The following TRABD2B variants were observed in gnomAD, a reference collection of about 807,000 sequenced individuals.
TRABD2B encodes metalloprotease TIKI2.
TRABD2B carries 14 observed loss-of-function variants against 40.1 expected under a neutral mutation model. The ratio of observed to expected loss-of-function variants is 0.35; its 90% confidence interval spans 0.23 to 0.55. The LOEUF is 0.55. TRABD2B is among the 20% of genes least tolerant of loss of function. TRABD2B has a pLI of 0.90. For synonymous variants in TRABD2B, 263 were observed against 277.0 expected (o/e 0.95, Z 0.50); for missense variants, 541 against 648.6 (o/e 0.83, Z 1.80).
intron 2 of TRABD2B, among the ~76,000 whole-genome samples, chr1:47,859,140 C>T (rs1643929634): frequency 6.6e-6 from 1 of 152,196 alleles, no homozygotes; most frequent in South Asian, 2.1e-4. Flanking sequence ...AAAGCTGCCC[C>T]TCTTGAGGCT....
intron 3 of TRABD2B, among the ~76,000 whole-genome samples, chr1:47,798,627 A>T (rs1360252737): frequency 6.6e-6 from 1 of 152,114 alleles, no homozygotes; most frequent in Non-Finnish European, 1.5e-5. Flanking sequence ...CTCATCCTCC[A>T]CATTATAGCC....
rs146324175 is a variant in TRABD2B at position 47,837,627 on chromosome 1, C to T, written c.667-36008G>A. ...CCTTGACCATCAGGCCTCTGCAGGG[C>T]GGAGAGAGAGACGAACCGGGCTTCT... is the stretch of plus-strand genomic sequence containing the variant. On this transcript the variant is annotated intron_variant, in intron 2 of 6. Coordinates refer to ENST00000606738, the MANE Select transcript of TRABD2B (RefSeq NM_001194986.2). Among the ~76,000 whole-genome samples the T allele has an allele frequency of 1.0e-3, 157 of 152,248 alleles. 1 individual carries two copies. Among genetic ancestry groups the T allele is most frequent in the African/African-American group, 3.5e-3 (144 of 41,550 alleles).
chr1:47,834,779 A>G (rs1557602054), intron 2 of TRABD2B, among the ~76,000 whole-genome samples: 1 of 152,238 alleles, frequency 6.6e-6, no homozygotes, highest in African/African-American at 2.4e-5. Context: ...AGCAAAGGCA[A>G]CAACAAATCC....
intron 2 of TRABD2B, among the ~76,000 whole-genome samples, chr1:47,841,357 T>TA (rs1171170167): frequency 6.6e-6 from 1 of 152,208 alleles, no homozygotes; most frequent in Non-Finnish European, 1.5e-5. Context: ...AGCAACAAGA[T>TA]AAGACTCCCT....
At chr1:47,858,421 C>G (rs1169287900) in intron 2 of TRABD2B, among the ~76,000 whole-genome samples, 5 of 151,956 alleles carry the variant, frequency 3.3e-5, no homozygotes, top group African/African-American at 4.8e-5. Flanking sequence ...CCATGACTGG[C>G]TAATTTTAAA....
chr1:47,960,857 A>G (rs949141655), intron 2 of TRABD2B, among the ~76,000 whole-genome samples: 1 of 152,130 alleles, frequency 6.6e-6, no homozygotes, highest in African/African-American at 2.4e-5. Flanking sequence ...ATTGGAAAAA[A>G]CTACTTTAAA....
At chr1:47,790,871 C>T (rs1159239781) in intron 4 of TRABD2B, among the ~76,000 whole-genome samples, 1 of 152,180 alleles carries the variant, frequency 6.6e-6, no homozygotes, top group Non-Finnish European at 1.5e-5. Flanking sequence ...ACTGTGTTCT[C>T]AAATGAGTGT....
intron 2 of TRABD2B, among the ~76,000 whole-genome samples, chr1:47,830,220 C>T (rs1645230846): frequency 6.6e-6 from 1 of 152,234 alleles, no homozygotes; most frequent in South Asian, 2.1e-4. Flanking sequence ...ACCCCTTGCC[C>T]CGTTCCCAGC....
In TRABD2B at chr1:47,813,417, T is replaced by C. The variant is rs751414947; in HGVS notation, c.667-11798A>G. Among the ~76,000 whole-genome samples the C allele has an allele frequency of 2.2e-4, 34 of 152,172 alleles. No homozygotes were observed. Among genetic ancestry groups the C allele is most frequent in the Non-Finnish European group, 4.3e-4 (29 of 68,036 alleles). The stretch of plus-strand genomic sequence containing the variant: ...AATACTGATGAGAGAAATTGTAACA[T>C]GCCTCTCTGTTTGTCTGCTAAGCCA... On this transcript the variant is annotated intron_variant, in intron 2 of 6. Coordinates refer to ENST00000606738, the MANE Select transcript of TRABD2B (RefSeq NM_001194986.2). This position sits in a 1 kb window ranked among gnomAD's most constrained non-coding sequence, Gnocchi z 4.3.
chr1:47,882,278 A>C (rs948575077), intron 2 of TRABD2B, among the ~76,000 whole-genome samples: 9 of 152,140 alleles, frequency 5.9e-5, no homozygotes, highest in Non-Finnish European at 1.3e-4. Flanking sequence ...TGGGGACTGC[A>C]CGTGTGTGCC....
intron 3 of TRABD2B, among the ~76,000 whole-genome samples, chr1:47,796,983 T>A (rs947687337): frequency 6.6e-6 from 1 of 152,216 alleles, no homozygotes; most frequent in African/African-American, 2.4e-5. Flanking sequence ...GTGAAAACTA[T>A]GTTGTACCAC....
chr1:47,968,187 T>A (rs1645630397), intron 2 of TRABD2B, among the ~76,000 whole-genome samples: 1 of 152,250 alleles, frequency 6.6e-6, no homozygotes, highest in African/African-American at 2.4e-5. Context: ...ATATTAATAT[T>A]TGATCCCAAA....
In TRABD2B at chr1:47,917,360, A is replaced by G. The variant is rs115240220; in HGVS notation, c.666+76674T>C. Among the ~76,000 whole-genome samples the G allele has an allele frequency of 9.5e-3, 1,452 of 152,296 alleles. 25 individuals carry two copies. The highest frequency in any genetic ancestry group is 0.032 in the African/African-American group (1,321 of 41,560). ...ATCTGCGGATGGGTGGGCGTCAGGC[A>G]GCAGGCTGAGAGGCTATTACCTCTG... is the stretch of plus-strand genomic sequence containing the variant. On this transcript the variant is annotated intron_variant, in intron 2 of 6. Transcript: ENST00000606738.
chr1:47,836,398 C>G (rs546386980), intron 2 of TRABD2B, among the ~76,000 whole-genome samples: 110 of 152,344 alleles, frequency 7.2e-4, no homozygotes, highest in African/African-American at 2.6e-3. Flanking sequence ...TGCCCCTCAG[C>G]CTTCTTAGCT....
intron 4 of TRABD2B, among the ~76,000 whole-genome samples, chr1:47,781,237 G>A (rs1644517591): frequency 6.6e-6 from 1 of 152,222 alleles, no homozygotes; most frequent in Non-Finnish European, 1.5e-5. Context: ...CTGCCTCCTT[G>A]GAGACCTGTG....
At position 47,887,518 on chromosome 1, in the gene TRABD2B, T is replaced by A. The variant is rs866934505; in HGVS notation, c.667-85899A>T. On this transcript the variant is annotated intron_variant, in intron 2 of 6. Coordinates refer to ENST00000606738, the MANE Select transcript of TRABD2B (RefSeq NM_001194986.2). ...AGATAAGCACACTTAAATCTCCCAC[T>A]TGTTAAAACATTTTCAGGTTCTTTG... 5.3e-5 allele frequency among the ~76,000 whole-genome samples: 8 copies of A among 152,028 alleles called. No individual in the cohort carries two copies. In the South Asian group the frequency reaches 1.2e-3, roughly 24 times the overall value.
intron 3 of TRABD2B, among the ~76,000 whole-genome samples, chr1:47,798,495 T>C (rs1644777682): frequency 6.6e-6 from 1 of 152,154 alleles, no homozygotes; most frequent in South Asian, 2.1e-4. Context: ...GATGCAGCCA[T>C]TGCTGCAGGT....
Position 47,764,982 on chromosome 1 carries a change from A to G in TRABD2B, c.*920T>C, listed in dbSNP as rs1156683643. 1 of 152,056 alleles carries G rather than the reference A, an allele frequency of 6.6e-6. No individual in the cohort carries two copies. Among genetic ancestry groups the G allele is most frequent in the East Asian group, 1.9e-4 (1 of 5,170 alleles). 9.4% of individuals were successfully genotyped at this position (152,056 alleles called of 1,614,324 possible). On this transcript the variant is annotated 3_prime_UTR_variant, in exon 7 of 7. Coordinates refer to ENST00000606738, the MANE Select transcript of TRABD2B (RefSeq NM_001194986.2). ...GGCAGCTCTCATTACTATTAACATCATGTGAGGCCTAAGCCCCTGTCTCTA... is the reference window on the plus strand; with the variant it reads ...GGCAGCTCTCATTACTATTAACATCGTGTGAGGCCTAAGCCCCTGTCTCTA...
intron 2 of TRABD2B, among the ~76,000 whole-genome samples, chr1:47,964,761 C>A (rs751457817): frequency 1.3e-5 from 2 of 152,040 alleles, no homozygotes; most frequent in African/African-American, 4.8e-5. Context: ...GGGGTCCAGG[C>A]CGGACTTAGT....
Sources: gnomAD v4.1 joint callset for allele counts (sites outside exome capture counted in the v4.1 genomes callset) on GRCh38, gnomAD v4.1.1 for gene constraint, Gnocchi (gnomAD v3.1) non-coding constraint, MANE v1.5 for transcripts, NCBI Gene and HGNC (gene_info 2026-07-23, HGNC 2026-07-21) for gene names.